Variants in CAPN8 observed in about 807,000 individuals in gnomAD.
CAPN8 encodes calpain-8.
CAPN8 carries 87 observed loss-of-function variants against 80.9 expected under a neutral mutation model. The ratio of observed to expected loss-of-function variants is 1.07; its 90% CI spans 0.90 to 1.28. CAPN8 has a LOEUF of 1.28. CAPN8 is among the 50% of genes most tolerant of loss of function. The pLI, the probability that CAPN8 is intolerant of heterozygous loss-of-function variation, is 0.00. For missense variants in CAPN8, 757 were observed against 702.0 expected (o/e 1.08, Z -0.89); for synonymous variants, 299 against 273.8 (o/e 1.09, Z -0.91).
At chr1:223,616,324 T>C (rs1657187440) in intron 9 of CAPN8, among the ~76,000 whole-genome samples, 179 bp from the exon 10 acceptor site, 1 of 152,236 alleles carries the variant, frequency 6.6e-6, no homozygotes, top group Non-Finnish European at 1.5e-5. Context: ...TCCTCCTACC[T>C]TCCTACACAT....
intron 18 of CAPN8, 145 bp from the exon 19 acceptor site, chr1:223,544,328 G>A (rs953902119): frequency 1.6e-6 from 1 of 612,578 alleles, no homozygotes; most frequent in Non-Finnish European, 2.9e-6. Flanking sequence ...CTTCTCCAGG[G>A]GATCCCAGAA....
chr1:223,541,834 G>C lies in CAPN8; in HGVS notation c.*2C>G. Reference sequence around the variant, plus strand: ...AGTGTCACTGATGTCCGAAACCCCGGGTCAGACCAACACGCAGCACAGCCA... The same window carrying C: ...AGTGTCACTGATGTCCGAAACCCCGCGTCAGACCAACACGCAGCACAGCCA... On this transcript the variant is annotated 3_prime_UTR_variant, in exon 21 of 21. Transcript: ENST00000366872. The C allele has an allele frequency of 6.4e-7, 1 of 1,551,320 alleles. No homozygotes were observed. The highest frequency in any genetic ancestry group is 8.7e-7 in the Non-Finnish European group (1 of 1,146,878).
chr1:223,622,095 T>C (rs1657415838), intron 7 of CAPN8, among the ~76,000 whole-genome samples: 1 of 152,178 alleles, frequency 6.6e-6, no homozygotes, highest in African/African-American at 2.4e-5. Context: ...CCTGAGCCAC[T>C]GTACCCAGCT....
chr1:223,545,256 AG>A lies in CAPN8; in HGVS notation c.1807del (p.Leu603SerfsTer3). 1 of 1,551,694 alleles carries A rather than the reference AG, an allele frequency of 6.4e-7. No individual in the cohort carries two copies. The part of the protein sequence containing the change: ...GTLGAVEFKT[L>X]WLKIQKYLEI... ...CAGATACTTCTGAATCTTCAGCCAG[AG>A]CGTCTTGAATTCCACCGCCCCCAAA... is the stretch of plus-strand genomic sequence containing the variant. On this transcript the variant is annotated frameshift_variant, in exon 17 of 21. Transcript: ENST00000366872. LOFTEE classifies it high-confidence loss of function.
chr1:223,661,816 G>A (rs533055596), intron 1 of CAPN8, among the ~76,000 whole-genome samples: 1 of 152,122 alleles, frequency 6.6e-6, no homozygotes, highest in Admixed American at 6.6e-5. Context: ...ATATCTTTTG[G>A]GTATATAACA....
intron 14 of CAPN8, among the ~76,000 whole-genome samples, chr1:223,553,225 C>G (rs890571927): frequency 6.6e-6 from 1 of 152,168 alleles, no homozygotes; most frequent in Non-Finnish European, 1.5e-5. Context: ...TTGTGGCCCC[C>G]ACCGGGCTGC....
At chr1:223,542,197 A>T (rs34276821) in intron 20 of CAPN8, among the ~76,000 whole-genome samples, 1 of 145,558 alleles carries the variant, frequency 6.9e-6, no homozygotes. Context: ...ATGTGTGTGT[A>T]TATATATATC....
At chr1:223,612,594 G>T (rs1657060014) in intron 10 of CAPN8, among the ~76,000 whole-genome samples, 1 of 152,054 alleles carries the variant, frequency 6.6e-6, no homozygotes, top group Admixed American at 6.5e-5. Context: ...CTCTTCTTCA[G>T]ACCTACAGAC....
intron 2 of CAPN8, among the ~76,000 whole-genome samples, chr1:223,650,635 G>A (rs1232296555): frequency 6.6e-6 from 1 of 152,172 alleles, no homozygotes; most frequent in Non-Finnish European, 1.5e-5. Context: ...GGCAGAGAGT[G>A]TGCCAGGAAC....
intron 13 of CAPN8, among the ~76,000 whole-genome samples, chr1:223,556,131 T>C (rs888737715): frequency 6.6e-6 from 1 of 152,226 alleles, no homozygotes; most frequent in African/African-American, 2.4e-5. Context: ...TTGTTCACCC[T>C]GTAATTTTTC....
intron 4 of CAPN8, 144 bp downstream of exon 4, chr1:223,627,865 C>T: frequency 1.1e-6 from 1 of 914,624 alleles, no homozygotes; most frequent in South Asian, 2.3e-5. Flanking sequence ...GAAAAATGCT[C>T]TCTCTCCGGC....
At chr1:223,628,270 A>G in intron 3 of CAPN8, 128 bp from the exon 4 acceptor site, 1 of 1,093,994 alleles carries the variant, frequency 9.1e-7, no homozygotes, top group Non-Finnish European at 1.3e-6. Flanking sequence ...GGAGCAGGAC[A>G]TGTGTCTGCC....
chr1:223,549,622 G>A (rs540694301), intron 15 of CAPN8: 1 of 657,328 alleles, frequency 1.5e-6, no homozygotes, highest in African/African-American at 1.8e-5. Context: ...ACCTTGGCTT[G>A]GCTCCCCACA....
intron 6 of CAPN8, among the ~76,000 whole-genome samples, chr1:223,623,895 G>A (rs1657477914): frequency 6.6e-6 from 1 of 151,678 alleles, no homozygotes; most frequent in African/African-American, 2.4e-5. Context: ...AGCTACTCGG[G>A]AGGCTGAGGC....
Position 223,543,156 on chromosome 1 carries a change from G to A in CAPN8, c.2040C>T (p.Ser680=), listed in dbSNP as rs1444212029. The change falls in exon 20 of 21, where the codon AGC becomes AGT. Residue 680 remains serine, a synonymous_variant. Coordinates refer to ENST00000366872, the MANE Select transcript of CAPN8 (RefSeq NM_001143962.2). ...TGCCATCCTTGTCTTCGTCCAGAAG[G>A]CTGAATAGTTCTAAAACACCAGAGA... ...IRLETLFKLF[S]LLDEDKDGMV... 1.3e-6 allele frequency: 2 copies of A among 1,551,682 alleles called. No individual in the cohort carries two copies. The highest frequency in any genetic ancestry group is 8.7e-7 in the Non-Finnish European group (1 of 1,146,982).
chr1:223,643,870 C>T (rs1214309818), intron 2 of CAPN8, among the ~76,000 whole-genome samples: 2 of 152,172 alleles, frequency 1.3e-5, no homozygotes, highest in African/African-American at 2.4e-5. Context: ...AACCTGCTTG[C>T]CGATCTAGTC....
At chr1:223,652,721 A>G (rs1269332041) in intron 2 of CAPN8, among the ~76,000 whole-genome samples, 1 of 151,926 alleles carries the variant, frequency 6.6e-6, no homozygotes, top group Admixed American at 6.6e-5. Flanking sequence ...TCCTTTCAGG[A>G]GATTGGACTC....
intron 2 of CAPN8, among the ~76,000 whole-genome samples, chr1:223,638,362 T>G (rs991536333): frequency 1.9e-4 from 29 of 150,506 alleles, no homozygotes; most frequent in African/African-American, 2.9e-4. Context: ...CTGTATGGGG[T>G]GTGTGTGTGT....
intron 5 of CAPN8, among the ~76,000 whole-genome samples, chr1:223,626,195 G>A (rs1572241095): frequency 6.6e-6 from 1 of 152,008 alleles, no homozygotes; most frequent in Admixed American, 6.6e-5. Flanking sequence ...GCCTGAAGAA[G>A]GCTAATTCTC....
Sources: allele counts gnomAD v4.1 joint callset (sites outside exome capture counted in the v4.1 genomes callset), GRCh38; gene constraint gnomAD v4.1.1; transcripts MANE v1.5; gene names NCBI Gene and HGNC (gene_info 2026-07-23, HGNC 2026-07-21).